The following HIP1 variants were observed in gnomAD, a reference collection of about 807,000 sequenced individuals.
The protein encoded by HIP1 is huntingtin-interacting protein 1.
HIP1 carries 65 observed loss-of-function variants against 147.6 expected under a neutral mutation model. That is an observed-to-expected ratio of 0.44 (90% CI 0.36 to 0.54). HIP1 has a LOEUF of 0.54. Ranked by LOEUF, HIP1 falls within the 20% of genes least tolerant of loss-of-function variation. HIP1 has a pLI of 0.00. For missense variants in HIP1, 1,061 were observed against 1,299.6 expected (o/e 0.82, Z 2.82); for synonymous variants, 479 against 504.0 (o/e 0.95, Z 0.67).
chr7:75,650,453 C>CT lies in HIP1; in HGVS notation c.121-51207dup, dbSNP rs782108312. Among the ~76,000 whole-genome samples, 486 of 126,522 alleles carry CT rather than the reference C, an allele frequency of 3.8e-3. 7 individuals carry two copies. Among genetic ancestry groups the CT allele is most frequent in the South Asian group, 0.018 (73 of 4,060 alleles). The allele number at this position is 126,522 out of a possible 152,430, so 83.0% of individuals were successfully genotyped here. A position where few individuals can be genotyped will look rare whatever the true frequency, so the allele number is the denominator to read the frequency against. ...CAGGGATGTGTCTCTGCCCAGTTATCTTTTTTTTTTTTTTTTTGAGACAGA... is the reference window on the plus strand; with the variant it reads ...CAGGGATGTGTCTCTGCCCAGTTATCTTTTTTTTTTTTTTTTTTGAGACAGA... On this transcript the variant is annotated intron_variant, in intron 1 of 30. Transcript: ENST00000336926.
At chr7:75,652,511 G>T (rs889877842) in intron 1 of HIP1, among the ~76,000 whole-genome samples, 1 of 151,924 alleles carries the variant, frequency 6.6e-6, no homozygotes, top group Non-Finnish European at 1.5e-5. Flanking sequence ...CTACAGGTGC[G>T]TGCCACTGCT....
chr7:75,554,141 G>A lies in HIP1; in HGVS notation c.2130C>T (p.Cys710=), dbSNP rs1794901477. The A allele has an allele frequency of 1.2e-6, 2 of 1,613,984 alleles. No individual in the cohort carries two copies. Among genetic ancestry groups the A allele is most frequent in the Non-Finnish European group, 1.7e-6 (2 of 1,179,958 alleles). The change falls in exon 21 of 31, where the codon TGC becomes TGT. Residue 710 remains cysteine, a synonymous_variant. Transcript: ENST00000336926. ...CGGCAGGCTCAGGTGGGGCTCTGAG[G>A]CAGGTGGTGGCACCATGAGCAATGG... is the stretch of plus-strand genomic sequence containing the variant. ...SDAIAHGATT[C]LRAPPEPADS... is the part of the protein sequence containing the mutation.
At position 75,551,189 on chromosome 7, in the gene HIP1, A is replaced by AT. The variant is rs55679922; in HGVS notation, c.2296-2189dup. Reference sequence around the variant, plus strand: ...TAGGGAGGCAAAGATGTAGATGATAATTTTTTTTTTTTTTTTTTTTTTTTT... The same window carrying AT: ...TAGGGAGGCAAAGATGTAGATGATAATTTTTTTTTTTTTTTTTTTTTTTTTT... On this transcript the variant is annotated intron_variant, in intron 22 of 30. Transcript: ENST00000336926. 0.01 allele frequency among the ~76,000 whole-genome samples: 800 copies of AT among 77,380 alleles called. 177 individuals are homozygous for AT. In the East Asian group the frequency reaches 0.22, roughly 22 times the overall value. The allele number at this position is 77,380 out of a possible 152,430, so 50.8% of individuals were successfully genotyped here.
intron 1 of HIP1, among the ~76,000 whole-genome samples, chr7:75,622,050 G>A (rs782413449): frequency 8.6e-5 from 13 of 151,528 alleles, no homozygotes; most frequent in African/African-American, 2.2e-4. Context: ...TTGGGAGGCC[G>A]AGGTGGGCAG....
intron 1 of HIP1, 121 bp downstream of exon 1, chr7:75,738,679 TC>T (rs1802106280): frequency 1.2e-5 from 14 of 1,214,358 alleles, no homozygotes; most frequent in Non-Finnish European, 1.4e-5. Flanking sequence ...ATGCCCCCGC[TC>T]ACTACACCCT....
intron 7 of HIP1, among the ~76,000 whole-genome samples, chr7:75,579,733 T>G (rs797032992): frequency 1.3e-5 from 2 of 152,234 alleles, no homozygotes; most frequent in African/African-American, 4.8e-5. Context: ...TCTGCACAGA[T>G]GAACAAGCTG....
chr7:75,716,926 C>T (rs1801342521), intron 1 of HIP1, among the ~76,000 whole-genome samples: 2 of 151,970 alleles, frequency 1.3e-5, no homozygotes, highest in African/African-American at 4.8e-5. Flanking sequence ...AGCGACCCTC[C>T]CACCTCAACC....
rs1482121968 is a variant in HIP1, at chr7:75,533,484, C to A, written c.*4688G>T. The A allele has an allele frequency of 4.3e-6, 1 of 232,040 alleles. No homozygotes were observed. Among genetic ancestry groups the A allele is most frequent in the South Asian group, 1.8e-4 (1 of 5,518 alleles). The allele number at this position is 232,040 out of a possible 1,614,324, so 14.4% of individuals were successfully genotyped here. ...TTCAAGGAACTACCCTAATGGAAACCCAGGGGAAAGGTTAAAAACAGAAGA... is the reference window on the plus strand; with the variant it reads ...TTCAAGGAACTACCCTAATGGAAACACAGGGGAAAGGTTAAAAACAGAAGA... On this transcript the variant is annotated 3_prime_UTR_variant, in exon 31 of 31. Coordinates refer to ENST00000336926, the MANE Select transcript of HIP1 (RefSeq NM_005338.7).
At chr7:75,701,306 A>G (rs1800823617) in intron 1 of HIP1, among the ~76,000 whole-genome samples, 1 of 152,144 alleles carries the variant, frequency 6.6e-6, no homozygotes. Flanking sequence ...AGGCAGGAGA[A>G]TCGCTTGAAC....
chr7:75,702,401 C>T (rs1288711114), intron 1 of HIP1, among the ~76,000 whole-genome samples: 1 of 152,118 alleles, frequency 6.6e-6, no homozygotes, highest in Non-Finnish European at 1.5e-5. Flanking sequence ...AGCCACCGCA[C>T]CCGGCCTAAT....
intron 1 of HIP1, among the ~76,000 whole-genome samples, chr7:75,719,483 G>A (rs1245966905): frequency 1.4e-4 from 21 of 148,106 alleles, no homozygotes; most frequent in African/African-American, 4.5e-4. Flanking sequence ...CAGACTGGGC[G>A]ACAGAGCGAG....
intron 1 of HIP1, among the ~76,000 whole-genome samples, chr7:75,688,732 A>T (rs1399847063): frequency 6.6e-6 from 1 of 152,090 alleles, no homozygotes; most frequent in African/African-American, 2.4e-5. Context: ...CGGGCCTCCC[A>T]GCTCTGCCCC....
At position 75,534,336 on chromosome 7, in the gene HIP1, C is replaced by T. The variant is rs1376032077; in HGVS notation, c.*3836G>A. The T allele has an allele frequency of 4.6e-6, 1 of 218,526 alleles. No homozygotes were observed. The allele number at this position is 218,526 out of a possible 1,614,324, so 13.5% of individuals were successfully genotyped here. A position where few individuals can be genotyped will look rare whatever the true frequency, so the allele number is the denominator to read the frequency against. ...TTAGGGGTACTGCTATGGACGGCTG[C>T]ATCAGCAGACAATCTAAACTAGTCT... On this transcript the variant is annotated 3_prime_UTR_variant, in exon 31 of 31. Transcript: ENST00000336926.
At chr7:75,596,444 T>C (rs372936604) in intron 2 of HIP1, among the ~76,000 whole-genome samples, 1 of 152,072 alleles carries the variant, frequency 6.6e-6, no homozygotes, top group South Asian at 2.1e-4. Flanking sequence ...TGGAGTACAG[T>C]GGTACGATCT....
chr7:75,714,742 C>G (rs1006349773), intron 1 of HIP1, among the ~76,000 whole-genome samples: 1 of 152,106 alleles, frequency 6.6e-6, no homozygotes, highest in Non-Finnish European at 1.5e-5. Flanking sequence ...TGTGAGCCAC[C>G]GTGCCCGACC....
chr7:75,736,733 A>G (rs568986300), intron 1 of HIP1, among the ~76,000 whole-genome samples: 54 of 152,082 alleles, frequency 3.6e-4, no homozygotes, highest in Non-Finnish European at 6.5e-4. Context: ...TGGGAGGCAG[A>G]AGTGAAATGA....
At position 75,534,811 on chromosome 7, in the gene HIP1, G is replaced by C. The variant is rs1314759794; in HGVS notation, c.*3361C>G. ...CTTACAAACTTAAGTAACAGATGCA[G>C]CTGTTTTTTAACTTCTTGTCGATCC... is the stretch of plus-strand genomic sequence containing the variant. On this transcript the variant is annotated 3_prime_UTR_variant, in exon 31 of 31. Coordinates refer to ENST00000336926, the MANE Select transcript of HIP1 (RefSeq NM_005338.7). The C allele has an allele frequency of 5.0e-6, 1 of 199,652 alleles. No homozygotes were observed. The highest frequency in any genetic ancestry group is 2.3e-5 in the African/African-American group (1 of 43,430). The allele number at this position is 199,652 out of a possible 1,614,324, so 12.4% of individuals were successfully genotyped here. A position where few individuals can be genotyped will look rare whatever the true frequency, so the allele number is the denominator to read the frequency against.
chr7:75,609,397 G>T (rs587714835), intron 1 of HIP1, among the ~76,000 whole-genome samples: 1 of 152,090 alleles, frequency 6.6e-6, no homozygotes, highest in South Asian at 2.1e-4. Context: ...GGTTTCCAGG[G>T]CAGAAGTTCC....
Position 75,544,634 on chromosome 7 carries a change from C to A in HIP1, c.2766+61G>T. On this transcript the variant is annotated intron_variant, in intron 27 of 30. Transcript: ENST00000336926. ...CCTAACGCAGCCAAGTACTCTTTAA[C>A]CTAGCCTAGTACTCTCTAACCAGGC... is the stretch of plus-strand genomic sequence containing the variant. 3 of 1,010,610 alleles carry A rather than the reference C, an allele frequency of 3.0e-6. No homozygotes were observed. In the South Asian group the frequency reaches 3.9e-5, roughly 13 times the overall value. 62.6% of individuals were successfully genotyped at this position (1,010,610 alleles called of 1,614,324 possible).
Sources: gnomAD v4.1 joint callset for allele counts (sites outside exome capture counted in the v4.1 genomes callset) on GRCh38, gnomAD v4.1.1 for gene constraint, MANE v1.5 for transcripts, NCBI Gene and HGNC (gene_info 2026-07-23, HGNC 2026-07-21) for gene names.